The following KCNU1 variants were observed in gnomAD, a reference collection of about 807,000 sequenced individuals.
The protein encoded by KCNU1 is potassium channel subfamily U member 1.
Under a neutral mutation model 126.8 loss-of-function variants are expected in KCNU1, and 93 were observed. That is an observed-to-expected ratio of 0.73 (90% CI 0.62 to 0.87). The LOEUF is 0.87. Ranked by LOEUF, KCNU1 falls within the 40% of genes least tolerant of loss-of-function variation. The pLI is 0.00. For synonymous variants in KCNU1, 523 were observed against 494.2 expected (o/e 1.06, Z -0.77); for missense variants, 1,330 against 1,367.1 (o/e 0.97, Z 0.43).
intron 10 of KCNU1, among the ~76,000 whole-genome samples, chr8:36,831,552 G>A (rs1288607122): frequency 6.6e-6 from 1 of 150,736 alleles, no homozygotes; most frequent in Non-Finnish European, 1.5e-5. Context: ...CTGCATAAAT[G>A]TCTTCTTTTG....
At chr8:36,844,224 C>CA (rs2130589703) in intron 16 of KCNU1, among the ~76,000 whole-genome samples, 1 of 151,876 alleles carries the variant, frequency 6.6e-6, no homozygotes, top group South Asian at 2.1e-4. Flanking sequence ...ACTAAAAATA[C>CA]AAAAAATTAG....
intron 19 of KCNU1, among the ~76,000 whole-genome samples, chr8:36,881,055 C>T (rs1806456678): frequency 6.6e-6 from 1 of 152,056 alleles, no homozygotes; most frequent in Non-Finnish European, 1.5e-5. Flanking sequence ...GAGGGAGGAA[C>T]ATGGTGCTCC....
At chr8:36,894,675 C>G (rs1250879270) in intron 19 of KCNU1, among the ~76,000 whole-genome samples, 1 of 151,998 alleles carries the variant, frequency 6.6e-6, no homozygotes, top group Non-Finnish European at 1.5e-5. Flanking sequence ...ACCTAAATGG[C>G]CTCTGTGAAT....
In KCNU1 at chr8:36,909,349, T is replaced by C; in HGVS notation, c.2145T>C (p.His715=). The C allele has an allele frequency of 6.2e-7, 1 of 1,613,638 alleles. No individual in the cohort carries two copies. Among genetic ancestry groups the C allele is most frequent in the Non-Finnish European group, 8.5e-7 (1 of 1,179,622 alleles). ...TGKSKYKFRN[H]IVACVFGDAH... ...AGTCAAAGTATAAGTTTCGGAACCATATTGTAGCATGTGTATTTGGAGATG... is the reference window on the plus strand; with the variant it reads ...AGTCAAAGTATAAGTTTCGGAACCACATTGTAGCATGTGTATTTGGAGATG... The change falls in exon 21 of 27, where the codon CAT becomes CAC. Residue 715 remains histidine (H), a synonymous_variant. Transcript: ENST00000399881.
chr8:36,856,022 T>C (rs1805517090), intron 18 of KCNU1, among the ~76,000 whole-genome samples: 1 of 152,154 alleles, frequency 6.6e-6, no homozygotes, highest in African/African-American at 2.4e-5. Context: ...ATATTAATAT[T>C]TGGGGAGACA....
At chr8:36,916,478 G>A (rs1055068775) in intron 22 of KCNU1, among the ~76,000 whole-genome samples, 3 of 151,904 alleles carry the variant, frequency 2.0e-5, no homozygotes, top group East Asian at 1.9e-4. Flanking sequence ...TAGAAGAGAA[G>A]GGAGAAGAAA....
At position 36,817,525 on chromosome 8, in the gene KCNU1, A is replaced by G. The variant is rs908774414; in HGVS notation, c.996-125A>G. 15 of 450,694 alleles carry G rather than the reference A, an allele frequency of 3.3e-5. 1 individual carries two copies. The highest frequency in any genetic ancestry group is 5.1e-5 in the Non-Finnish European group (13 of 255,838). 27.9% of individuals were successfully genotyped at this position (450,694 alleles called of 1,614,324 possible). A position where few individuals can be genotyped will look rare whatever the true frequency, so the allele number is the denominator to read the frequency against. ...AAAAAAAAAAAAAAAAAAAAAAAAA[A>G]TCTGGGTGATGCAAATACCATATTT... is the stretch of plus-strand genomic sequence containing the variant. On this transcript the variant is annotated intron_variant, in intron 9 of 26. Coordinates refer to ENST00000399881, the MANE Select transcript of KCNU1 (RefSeq NM_001031836.3).
intron 18 of KCNU1, among the ~76,000 whole-genome samples, chr8:36,850,452 G>A (rs1469872605): frequency 2.1e-5 from 3 of 141,728 alleles, no homozygotes; most frequent in African/African-American, 7.7e-5. Context: ...CAAAATCGGT[G>A]ATCTTTTTTT....
At chr8:36,788,957 TA>T (rs1029986653) in intron 2 of KCNU1, among the ~76,000 whole-genome samples, 2 of 152,122 alleles carry the variant, frequency 1.3e-5, no homozygotes, top group Non-Finnish European at 2.9e-5. Flanking sequence ...TACATACCAA[TA>T]AAAATGACTT....
chr8:36,927,585 A>G (rs1563341319), intron 24 of KCNU1, among the ~76,000 whole-genome samples: 1 of 152,224 alleles, frequency 6.6e-6, no homozygotes, highest in African/African-American at 2.4e-5. Context: ...CTACCCTATA[A>G]TCTCACTCTG....
intron 24 of KCNU1, chr8:36,929,091 A>G (rs1418546812): frequency 1.5e-6 from 1 of 679,396 alleles, no homozygotes; most frequent in East Asian, 2.8e-5. Context: ...TGTTGCTGAA[A>G]AAACAATCAG....
Position 36,922,645 on chromosome 8 carries a change from C to T in KCNU1, c.2736+16C>T. ...GCTGGCCACGGTAAGAAAAGCTAAG[C>T]CATGGAGCCCCCAAAACCAAGCCCT... On this transcript the variant is annotated intron_variant, in intron 24 of 26. Transcript: ENST00000399881. 1 of 1,608,872 alleles carries T rather than the reference C, an allele frequency of 6.2e-7. No individual in the cohort carries two copies. The highest frequency in any genetic ancestry group is 8.5e-7 in the Non-Finnish European group (1 of 1,177,792).
chr8:36,858,540 G>A (rs1409741902), intron 18 of KCNU1, among the ~76,000 whole-genome samples: 2 of 152,046 alleles, frequency 1.3e-5, no homozygotes, highest in Non-Finnish European at 2.9e-5. Context: ...GTATATATAG[G>A]CCTTTAAACA....
chr8:36,811,051 T>C (rs1803691857), intron 7 of KCNU1, among the ~76,000 whole-genome samples: 1 of 151,940 alleles, frequency 6.6e-6, no homozygotes, highest in Non-Finnish European at 1.5e-5. Context: ...GGAAGCAAAA[T>C]GTAACAAATT....
intron 2 of KCNU1, among the ~76,000 whole-genome samples, chr8:36,792,193 G>T (rs1418827710): frequency 1.3e-5 from 2 of 152,114 alleles, no homozygotes; most frequent in African/African-American, 4.8e-5. Context: ...AGTACCTACT[G>T]CCATGAGTTT....
chr8:36,872,104 T>G (rs1806124216), intron 19 of KCNU1, among the ~76,000 whole-genome samples: 1 of 152,184 alleles, frequency 6.6e-6, no homozygotes, highest in Non-Finnish European at 1.5e-5. Flanking sequence ...CACCTTATCA[T>G]CATCTTTCTC....
At chr8:36,894,412 T>G (rs1469907493) in intron 19 of KCNU1, among the ~76,000 whole-genome samples, 1 of 152,130 alleles carries the variant, frequency 6.6e-6, no homozygotes, top group Non-Finnish European at 1.5e-5. Flanking sequence ...TTACTAATGG[T>G]GAATCAATTA....
At position 36,836,934 on chromosome 8, in the gene KCNU1, CA is replaced by C. The variant is rs770711272; in HGVS notation, c.1511del (p.Asn504ThrfsTer15). 13 of 1,612,960 alleles carry C rather than the reference CA, an allele frequency of 8.1e-6. No homozygotes were observed. Among genetic ancestry groups the C allele is most frequent in the Non-Finnish European group, 1.1e-5 (13 of 1,179,536 alleles). The stretch of plus-strand genomic sequence containing the variant: ...CTTCCTAACATCTCTATTTGTGGAG[CA>C]AAACAAAAAGGTAACCTTGTAAATT... ...CTFLTSLFVE[Q>X]NKKVMPKQTW... On this transcript the variant is annotated frameshift_variant, in exon 14 of 27. Transcript: ENST00000399881. LOFTEE classifies it high-confidence loss of function.
At chr8:36,902,230 T>G (rs1807447549) in intron 19 of KCNU1, among the ~76,000 whole-genome samples, 2 of 152,144 alleles carry the variant, frequency 1.3e-5, no homozygotes, top group African/African-American at 4.8e-5. Flanking sequence ...TTCATAACAT[T>G]AGAATGAAGA....
Sources: allele counts gnomAD v4.1 joint callset (sites outside exome capture counted in the v4.1 genomes callset), GRCh38; gene constraint gnomAD v4.1.1; transcripts MANE v1.5; gene names NCBI Gene and HGNC (gene_info 2026-07-23, HGNC 2026-07-21).